Variants in PARP16 observed in about 807,000 individuals in gnomAD.
The protein encoded by PARP16 is protein mono-ADP-ribosyltransferase PARP16.
PARP16 carries 31 observed loss-of-function variants against 35.0 expected under a neutral mutation model. The observed-to-expected ratio is 0.88, with a 90% CI of 0.66 to 1.19. PARP16 has a LOEUF of 1.19. Ranked by LOEUF, PARP16 falls within the 50% of genes most tolerant of loss-of-function variation. The pLI, the probability that PARP16 is intolerant of heterozygous loss-of-function variation, is 0.00. For missense variants in PARP16, 424 were observed against 411.2 expected (o/e 1.03, Z -0.27); for synonymous variants, 162 against 169.5 (o/e 0.96, Z 0.34).
chr15:65,248,907 G>A (rs1178834360), intron 2 of PARP16, among the ~76,000 whole-genome samples: 6 of 152,126 alleles, frequency 3.9e-5, no homozygotes, highest in African/African-American at 1.4e-4. Context: ...GCCTCCCAAA[G>A]CCTGACTAAG....
intron 1 of PARP16, among the ~76,000 whole-genome samples, chr15:65,283,686 T>C (rs76854771): frequency 5.3e-5 from 8 of 152,238 alleles, no homozygotes; most frequent in African/African-American, 1.9e-4. Context: ...CTAGGGGGTG[T>C]CCTTGCTCTG....
chr15:65,267,903 G>T (rs986242722), intron 2 of PARP16, among the ~76,000 whole-genome samples: 9 of 151,640 alleles, frequency 5.9e-5, no homozygotes, highest in African/African-American at 2.2e-4. Flanking sequence ...ATCTTGGCCA[G>T]GCTGGTCTTG....
rs1413822737 is a variant in PARP16, at chr15:65,259,211, A to T, written c.*196T>A. ...CCCTAAAACCTAAGAGTGAGGGACT[A>T]GTAGTCCCCGTTGACTGGAGTATGG... On this transcript the variant is annotated 3_prime_UTR_variant, in exon 6 of 6. Coordinates refer to ENST00000649807, the MANE Select transcript of PARP16 (RefSeq NM_001316943.2). The T allele has an allele frequency of 7.9e-6, 5 of 633,718 alleles. No homozygotes were observed. Among genetic ancestry groups the T allele is most frequent in the Non-Finnish European group, 1.4e-5 (5 of 351,298 alleles). 39.3% of individuals were successfully genotyped at this position (633,718 alleles called of 1,614,324 possible).
Position 65,286,318 on chromosome 15 carries a change from C to A in PARP16, c.109G>T (p.Asp37Tyr). Residue 37 changes from aspartate to tyrosine, a missense_variant, in exon 1 of 6, where the codon GAC (aspartate) becomes TAC (tyrosine). Physicochemically the swap from Asp to Tyr is radical, Grantham distance 160. Transcript: ENST00000649807. ...FASALQSYKR[D>Y]SVLRPFPASY... ...GCGGGGAAGGGCCGCAGCACCGAGTCGCGCTTGTAGCTCTGCAGGGCCGAG... is the reference window on the plus strand; with the variant it reads ...GCGGGGAAGGGCCGCAGCACCGAGTAGCGCTTGTAGCTCTGCAGGGCCGAG... The A allele has an allele frequency of 6.2e-7, 1 of 1,603,844 alleles. No homozygotes were observed. Among genetic ancestry groups the A allele is most frequent in the South Asian group, 1.1e-5 (1 of 89,586 alleles).
chr15:65,268,123 G>A (rs1054037997), intron 2 of PARP16, among the ~76,000 whole-genome samples: 1 of 152,104 alleles, frequency 6.6e-6, no homozygotes, highest in Admixed American at 6.6e-5. Context: ...ATTCTACCAA[G>A]ATCCCATCAA....
chr15:65,274,704 G>A (rs2090196392), intron 1 of PARP16, among the ~76,000 whole-genome samples: 1 of 152,066 alleles, frequency 6.6e-6, no homozygotes, highest in African/African-American at 2.4e-5. Flanking sequence ...TTATTCAGGG[G>A]GCATTTACTA....
chr15:65,284,000 T>G (rs1438636026), intron 1 of PARP16, among the ~76,000 whole-genome samples: 1 of 152,122 alleles, frequency 6.6e-6, no homozygotes, highest in African/African-American at 2.4e-5. Context: ...CCTCGACACA[T>G]CATTAGGTGG....
At chr15:65,269,560 G>A (rs1324511856) in intron 2 of PARP16, among the ~76,000 whole-genome samples, 1 of 152,194 alleles carries the variant, frequency 6.6e-6, no homozygotes, top group Non-Finnish European at 1.5e-5. Flanking sequence ...TCTGGATTAT[G>A]ACTGAATGAG....
At position 65,239,934 on chromosome 15, in the gene PARP16, G is replaced by T. The variant is rs1272074969; in HGVS notation, c.*98-5111C>A. ...GCCTCCCAAAGTTTTCGGATTACAGGCGTGAGCCACCGCGTCTGACCTTTT... is the reference window on the plus strand; with the variant it reads ...GCCTCCCAAAGTTTTCGGATTACAGTCGTGAGCCACCGCGTCTGACCTTTT... On this transcript the variant is annotated intron_variant and NMD_transcript_variant, in intron 3 of 3. Transcript: ENST00000559805. Among the ~76,000 whole-genome samples, 4 of 140,188 alleles carry T rather than the reference G, an allele frequency of 2.9e-5. No homozygotes were observed. In the South Asian group the frequency reaches 6.6e-4, roughly 23 times the overall value. 92.0% of individuals were successfully genotyped at this position (140,188 alleles called of 152,430 possible).
Position 65,270,920 on chromosome 15 carries a change from G to A in PARP16, c.312+15C>T, listed in dbSNP as rs188439197. 245 of 1,613,650 alleles carry A rather than the reference G, an allele frequency of 1.5e-4. 2 individuals are homozygous for A. The Admixed American group carries it at 3.7e-3, about 24-fold the overall frequency. ...AGGCCCCTAAAATCTGTGATGCTAC[G>A]GACCAAAGTCTCACCTCTGCCTTCC... On this transcript the variant is annotated intron_variant, in intron 2 of 5. Coordinates refer to ENST00000649807, the MANE Select transcript of PARP16 (RefSeq NM_001316943.2).
At chr15:65,283,356 T>C (rs1392239325) in intron 1 of PARP16, among the ~76,000 whole-genome samples, 1 of 152,118 alleles carries the variant, frequency 6.6e-6, no homozygotes, top group African/African-American at 2.4e-5. Context: ...TCTCTCACCC[T>C]GCCACCACAG....
chr15:65,231,805 T>C (rs2088780796), downstream of PARP16, among the ~76,000 whole-genome samples: 1 of 152,160 alleles, frequency 6.6e-6, no homozygotes, highest in Non-Finnish European at 1.5e-5. Context: ...TTGTTTAGAC[T>C]TACCCACACA....
At position 65,239,866 on chromosome 15, in the gene PARP16, T is replaced by C. The variant is rs1002442717; in HGVS notation, c.*98-5043A>G. Among the ~76,000 whole-genome samples, 12 of 150,594 alleles carry C rather than the reference T, an allele frequency of 8.0e-5. 1 individual carries two copies. The highest frequency in any genetic ancestry group is 2.9e-4 in the African/African-American group (12 of 41,016). On this transcript the variant is annotated intron_variant and NMD_transcript_variant, in intron 3 of 3. Coordinates refer to the PARP16 transcript ENST00000559805. ...AGAGACAGGGTTTCACTGCGTTAAC[T>C]AGGATGGTCTCGATCTCCTGACTTC...
chr15:65,283,979 A>T (rs2090499934), intron 1 of PARP16, among the ~76,000 whole-genome samples: 1 of 152,184 alleles, frequency 6.6e-6, no homozygotes, highest in Non-Finnish European at 1.5e-5. Context: ...TGTGGTCACC[A>T]CTTGAGATGC....
exon 3 of PARP16, chr15:65,248,130 A>G (rs1016603519): frequency 6.1e-5 from 28 of 456,146 alleles, no homozygotes; most frequent in African/African-American, 4.2e-4. Context: ...TCTACTTTCC[A>G]CAGTTCCTTT....
At chr15:65,257,629 C>CAAAAAAAAA (rs5813342), downstream of PARP16, among the ~76,000 whole-genome samples, 1 of 66,910 alleles carries the variant, frequency 1.5e-5, no homozygotes, top group Non-Finnish European at 2.8e-5. Flanking sequence ...GACTCTGTCT[C>CAAAAAAAAA]AAAAAAAAAA....
chr15:65,253,278 C>A (rs1372784261), downstream of PARP16, among the ~76,000 whole-genome samples: 1 of 152,154 alleles, frequency 6.6e-6, no homozygotes, highest in Non-Finnish European at 1.5e-5. Flanking sequence ...TTCTTTGAAA[C>A]CCCCACTCAT....
chr15:65,256,574 A>AT (rs2089516635), downstream of PARP16, among the ~76,000 whole-genome samples: 1 of 151,616 alleles, frequency 6.6e-6, no homozygotes, highest in South Asian at 2.1e-4. Context: ...CGCCCGGCTA[A>AT]TTTTTTGTAT....
At chr15:65,232,797 T>G (rs1229928795), downstream of PARP16, among the ~76,000 whole-genome samples, 1 of 152,028 alleles carries the variant, frequency 6.6e-6, no homozygotes, top group Non-Finnish European at 1.5e-5. Flanking sequence ...GGGTCACACC[T>G]GTAATTACAG....
Sources: gnomAD v4.1 joint callset for allele counts (sites outside exome capture counted in the v4.1 genomes callset) on GRCh38, gnomAD v4.1.1 for gene constraint, MANE v1.5 for transcripts, NCBI Gene and HGNC (gene_info 2026-07-23, HGNC 2026-07-21) for gene names.